The following AK7 variants were observed in gnomAD, a reference collection of about 807,000 sequenced individuals.
AK7 encodes ATP-AMP transphosphorylase 7.
AK7 carries 78 observed loss-of-function variants against 96.6 expected under a neutral mutation model. The ratio of observed to expected loss-of-function variants is 0.81; its 90% CI spans 0.67 to 0.97. AK7 has a LOEUF of 0.97. Among genes scored for constraint, AK7 ranks in the 50% least tolerant of loss-of-function variants. AK7 has a pLI of 0.00. For synonymous variants in AK7, 302 were observed against 317.2 expected (o/e 0.95, Z 0.51); for missense variants, 855 against 887.9 (o/e 0.96, Z 0.47).
intron 3 of AK7, among the ~76,000 whole-genome samples, chr14:96,407,101 G>T (rs1300260725): frequency 6.6e-6 from 1 of 152,216 alleles, no homozygotes; most frequent in Admixed American, 6.5e-5. Flanking sequence ...TATTAGAAAG[G>T]AGAGAAAATA....
At position 96,489,426 on chromosome 14, in the gene AK7, T is replaced by G. The variant is rs1895946270; in HGVS notation, c.*1083T>G. The G allele has an allele frequency of 6.6e-6, 1 of 152,216 alleles. No individual in the cohort carries two copies. The highest frequency in any genetic ancestry group is 2.4e-5 in the African/African-American group (1 of 41,448). The allele number at this position is 152,216 out of a possible 1,614,324, so 9.4% of individuals were successfully genotyped here. A position where few individuals can be genotyped will look rare whatever the true frequency, so the allele number is the denominator to read the frequency against. ...ATAAATAAAACCATATAATGGGTGGTCTTTCGTGTCTGGCTTCTTTCACTA... is the reference window on the plus strand; with the variant it reads ...ATAAATAAAACCATATAATGGGTGGGCTTTCGTGTCTGGCTTCTTTCACTA... On this transcript the variant is annotated 3_prime_UTR_variant, in exon 18 of 18. Coordinates refer to ENST00000267584, the MANE Select transcript of AK7 (RefSeq NM_152327.5).
chr14:96,409,745 A>AG (rs1890928258), intron 4 of AK7, among the ~76,000 whole-genome samples: 1 of 152,238 alleles, frequency 6.6e-6, no homozygotes, highest in Admixed American at 6.5e-5. Flanking sequence ...AGAAAACATG[A>AG]GCCACAGTCA....
chr14:96,407,575 C>CTTTTTTTTT (rs1288121196), intron 3 of AK7, among the ~76,000 whole-genome samples: 9 of 54,722 alleles, frequency 1.6e-4, no homozygotes, highest in Non-Finnish European at 2.0e-4. Flanking sequence ...TTCTTTCTTT[C>CTTTTTTTTT]TTTTCTTTTT....
intron 6 of AK7, 126 bp downstream of exon 6, chr14:96,438,041 T>C: frequency 1.5e-6 from 1 of 669,670 alleles, no homozygotes; most frequent in Non-Finnish European, 2.5e-6. Context: ...TGAAGGCAAG[T>C]ATGGATGTCA....
chr14:96,436,358 C>T (rs536380764), intron 5 of AK7, among the ~76,000 whole-genome samples: 5 of 152,218 alleles, frequency 3.3e-5, no homozygotes, highest in African/African-American at 1.2e-4. Flanking sequence ...CTAAAAACTC[C>T]TGTAGGCCGG....
Position 96,394,696 on chromosome 14 carries a change from C to G in AK7, c.105+2437C>G, listed in dbSNP as rs531130818. On this transcript the variant is annotated intron_variant, in intron 1 of 17. Transcript: ENST00000267584. ...TTTTTCAAAAAGATACAGATACAGG[C>G]TGGGCACAGTGGCTCATGCCTGTAA... Among the ~76,000 whole-genome samples, 5 of 152,318 alleles carry G rather than the reference C, an allele frequency of 3.3e-5. No individual in the cohort carries two copies. In the East Asian group the frequency reaches 9.7e-4, roughly 29 times the overall value.
At chr14:96,423,686 G>GCTGC (rs1891847131) in intron 5 of AK7, 3 of 670,902 alleles carry the variant, frequency 4.5e-6, no homozygotes, top group East Asian at 6.6e-5. Flanking sequence ...AGGTCGCCGA[G>GCTGC]CTGCCCCCTA....
At chr14:96,413,336 C>A (rs1595382061) in intron 4 of AK7, among the ~76,000 whole-genome samples, 1 of 152,234 alleles carries the variant, frequency 6.6e-6, no homozygotes, top group Admixed American at 6.5e-5. Flanking sequence ...AACTTGTAGT[C>A]TAGATCAGTA....
chr14:96,443,000 CCACTGTT>C (rs1238463522), intron 7 of AK7, among the ~76,000 whole-genome samples, 182 bp downstream of exon 7: 1 of 152,086 alleles, frequency 6.6e-6, no homozygotes, highest in African/African-American at 2.4e-5. Flanking sequence ...GAAATAGTGC[CCACTGTT>C]CAAAAGTTCT....
At chr14:96,450,976 G>A (rs920715321) in intron 9 of AK7, among the ~76,000 whole-genome samples, 1 of 151,808 alleles carries the variant, frequency 6.6e-6, no homozygotes, top group East Asian at 1.9e-4. Flanking sequence ...AGGTTTCACC[G>A]TGTTAGCCAG....
chr14:96,459,754 G>A (rs1172100616), intron 12 of AK7, among the ~76,000 whole-genome samples: 1 of 151,800 alleles, frequency 6.6e-6, no homozygotes, highest in Non-Finnish European at 1.5e-5. Flanking sequence ...GTAGGTGCCT[G>A]TAATCCTAGC....
At chr14:96,477,706 A>G (rs532818441) in intron 14 of AK7, among the ~76,000 whole-genome samples, 19 of 152,370 alleles carry the variant, frequency 1.2e-4, no homozygotes, top group African/African-American at 4.3e-4. Context: ...GTTGAATTTG[A>G]TAAGTGCTGA....
At chr14:96,449,110 C>T (rs1209504446) in intron 8 of AK7, among the ~76,000 whole-genome samples, 4 of 152,120 alleles carry the variant, frequency 2.6e-5, no homozygotes, top group African/African-American at 9.7e-5. Flanking sequence ...TTATAAGACA[C>T]TAATCTCATT....
chr14:96,478,306 A>G (rs1895298009), intron 14 of AK7, among the ~76,000 whole-genome samples, 159 bp from the exon 15 acceptor site: 1 of 152,164 alleles, frequency 6.6e-6, no homozygotes, highest in African/African-American at 2.4e-5. Context: ...GGTGATTTTC[A>G]TCTATTTATC....
chr14:96,458,043 G>A lies in AK7; in HGVS notation c.1228-40G>A, dbSNP rs1195451821. 2.5e-6 allele frequency: 4 copies of A among 1,604,726 alleles called. No individual in the cohort carries two copies. In the African/African-American group the frequency reaches 5.4e-5, roughly 21 times the overall value. ...GCTGATTTGTGAATAGCAAATGGAT[G>A]TGGGGCATCATCCAATGTGAATATC... On this transcript the variant is annotated intron_variant, in intron 11 of 17. Transcript: ENST00000267584.
In AK7 at chr14:96,395,800, A is replaced by ATTTTT. The variant is rs1172936912; in HGVS notation, c.106-2249_106-2245dup. Reference sequence around the variant, plus strand: ...TAAATTAATCCCCTTTTGATTTTGAATTTTTTTTTTTTTTTTTTTTTTTTT... The same window carrying ATTTTT: ...TAAATTAATCCCCTTTTGATTTTGAATTTTTTTTTTTTTTTTTTTTTTTTTTTTTT... On this transcript the variant is annotated intron_variant, in intron 1 of 17. Coordinates refer to ENST00000267584, the MANE Select transcript of AK7 (RefSeq NM_152327.5). 3.8e-4 allele frequency among the ~76,000 whole-genome samples: 26 copies of ATTTTT among 69,036 alleles called. 2 individuals are homozygous for ATTTTT. Among genetic ancestry groups the ATTTTT allele is most frequent in the African/African-American group, 8.7e-4 (15 of 17,148 alleles). The allele number at this position is 69,036 out of a possible 152,430, so 45.3% of individuals were successfully genotyped here. A position where few individuals can be genotyped will look rare whatever the true frequency, so the allele number is the denominator to read the frequency against.
At chr14:96,412,489 A>C (rs1159643275) in intron 4 of AK7, among the ~76,000 whole-genome samples, 1 of 150,900 alleles carries the variant, frequency 6.6e-6, no homozygotes. Context: ...CCGCCTCCCA[A>C]AGTGCTGGGG....
chr14:96,397,255 A>AT (rs941478360), intron 1 of AK7, among the ~76,000 whole-genome samples: 54 of 148,082 alleles, frequency 3.6e-4, no homozygotes, highest in Admixed American at 6.7e-4. Context: ...ACAGCATTTA[A>AT]TTTTTTTTTT....
intron 12 of AK7, among the ~76,000 whole-genome samples, chr14:96,467,787 G>A (rs1025178566): frequency 2.0e-5 from 3 of 151,962 alleles, no homozygotes; most frequent in African/African-American, 7.3e-5. Flanking sequence ...CCCATTGCCT[G>A]GTGAACTGAG....
Sources: allele counts gnomAD v4.1 joint callset (sites outside exome capture counted in the v4.1 genomes callset), GRCh38; gene constraint gnomAD v4.1.1; transcripts MANE v1.5; gene names NCBI Gene and HGNC (gene_info 2026-07-23, HGNC 2026-07-21).